Variants in IQANK1 observed in about 807,000 individuals in gnomAD.
IQANK1 encodes IQ motif and ankyrin repeat domain-containing protein 1.
IQANK1 carries 30 observed loss-of-function variants against 22.6 expected under a neutral mutation model. The ratio of observed to expected loss-of-function variants is 1.33; its 90% confidence interval spans 0.99 to 1.80. The LOEUF (loss-of-function observed/expected upper bound fraction) is 1.80. IQANK1 is among the 40% of genes most tolerant of loss of function. The pLI, the probability that IQANK1 is intolerant of heterozygous loss-of-function variation, is 0.00. For missense variants in IQANK1, 275 were observed against 235.2 expected (o/e 1.17, Z -1.11); for synonymous variants, 122 against 99.6 (o/e 1.23, Z -1.34).
chr8:143,772,042 A>G lies in IQANK1; in HGVS notation c.472-10A>G. 7.6e-6 allele frequency: 3 copies of G among 394,844 alleles called. No individual in the cohort carries two copies. The highest frequency in any genetic ancestry group is 1.3e-5 in the Non-Finnish European group (3 of 224,392). The allele number at this position is 394,844 out of a possible 1,614,324, so 24.5% of individuals were successfully genotyped here. A position where few individuals can be genotyped will look rare whatever the true frequency, so the allele number is the denominator to read the frequency against. ...GGAGCGGGGAGCGGTGACCGCGGCGAGCTGCGCAGGTGGAGCAGCTGCTGA... is the reference window on the plus strand; with the variant it reads ...GGAGCGGGGAGCGGTGACCGCGGCGGGCTGCGCAGGTGGAGCAGCTGCTGA... On this transcript the variant is annotated splice_polypyrimidine_tract_variant and intron_variant, in intron 5 of 13. Coordinates refer to ENST00000527139, the MANE Select transcript of IQANK1 (RefSeq NM_001381874.1).
At chr8:143,789,290 G>A (rs782064742) in intron 9 of IQANK1, 47 bp downstream of exon 9, 18 of 407,666 alleles carry the variant, frequency 4.4e-5, no homozygotes, top group South Asian at 2.5e-4. Flanking sequence ...AGGGAGAGCC[G>A]GGTGGGGAGG....
chr8:143,761,545 G>A (rs893261710), intron 3 of IQANK1, among the ~76,000 whole-genome samples: 3 of 152,304 alleles, frequency 2.0e-5, no homozygotes, highest in African/African-American at 7.2e-5. Flanking sequence ...CTATGCGGGA[G>A]GATTGCTTCA....
chr8:143,762,550 T>G (rs1451835686), intron 3 of IQANK1, among the ~76,000 whole-genome samples: 2 of 152,134 alleles, frequency 1.3e-5, no homozygotes, highest in African/African-American at 2.4e-5. Flanking sequence ...CAAGATCATC[T>G]CAGGGGTGCT....
At position 143,774,206 on chromosome 8, in the gene IQANK1, C is replaced by T. The variant is rs1554630100; in HGVS notation, c.789+1724C>T. Among the ~76,000 whole-genome samples, 2 of 147,352 alleles carry T rather than the reference C, an allele frequency of 1.4e-5. No homozygotes were observed. The highest frequency in any genetic ancestry group is 3.0e-5 in the Non-Finnish European group (2 of 67,050). ...AAAAAAAAAAAACCACATTGATAAACAGAACTTCATCAGAATGTAAAATGT... is the reference window on the plus strand; with the variant it reads ...AAAAAAAAAAAACCACATTGATAAATAGAACTTCATCAGAATGTAAAATGT... On this transcript the variant is annotated intron_variant, in intron 7 of 13. Coordinates refer to ENST00000527139, the MANE Select transcript of IQANK1 (RefSeq NM_001381874.1). The surrounding 1 kb of genome is among the most constrained non-coding windows in gnomAD (Gnocchi z 4.2).
In IQANK1 at chr8:143,790,331, CACCAG is replaced by C; in HGVS notation, c.1425-18_1425-14del. 8.2e-7 allele frequency: 1 copy of C among 1,220,236 alleles called. No individual in the cohort carries two copies. Among genetic ancestry groups the C allele is most frequent in the Non-Finnish European group, 1.0e-6 (1 of 977,224 alleles). 75.6% of individuals were successfully genotyped at this position (1,220,236 alleles called of 1,614,324 possible). ...CACCTCCCTAGCCCCACCCTGGCCT[CACCAG>C]CCTCATGGGGCAGGTATGGGAAGCC... On this transcript the variant is annotated splice_polypyrimidine_tract_variant and intron_variant, in intron 13 of 13. Coordinates refer to ENST00000527139, the MANE Select transcript of IQANK1 (RefSeq NM_001381874.1).
intron 1 of IQANK1, 64 bp downstream of exon 1, chr8:143,734,283 G>A (rs1414041514): frequency 6.6e-6 from 1 of 152,050 alleles, no homozygotes; most frequent in African/African-American, 2.4e-5. Context: ...CGAGAGCACA[G>A]GGGATCCCCT....
At chr8:143,770,987 A>C (rs1819559851) in intron 3 of IQANK1, among the ~76,000 whole-genome samples, 1 of 151,816 alleles carries the variant, frequency 6.6e-6, no homozygotes, top group South Asian at 2.1e-4. Context: ...CGGTGGGGCG[A>C]GGGCGAGGCC....
At chr8:143,751,970 A>AT (rs1819204776) in intron 3 of IQANK1, among the ~76,000 whole-genome samples, 1 of 149,732 alleles carries the variant, frequency 6.7e-6, no homozygotes, top group Non-Finnish European at 1.5e-5. Flanking sequence ...TATTCTTATT[A>AT]TTTTTTTATT....
chr8:143,739,762 G>A, intron 2 of IQANK1, 97 bp from the exon 3 acceptor site: 1 of 585,850 alleles, frequency 1.7e-6, no homozygotes, highest in South Asian at 2.0e-5. Flanking sequence ...CTGTCTGCCA[G>A]GACGCACGGC....
intron 3 of IQANK1, among the ~76,000 whole-genome samples, chr8:143,754,329 C>T (rs909949830): frequency 3.3e-5 from 5 of 152,160 alleles, no homozygotes; most frequent in African/African-American, 4.8e-5. Context: ...GTCAGGAGTC[C>T]GGGCACAGGC....
chr8:143,757,811 A>G (rs1404404556), intron 3 of IQANK1, among the ~76,000 whole-genome samples: 1 of 152,060 alleles, frequency 6.6e-6, no homozygotes, highest in African/African-American at 2.4e-5. Flanking sequence ...TGCCTGGTGT[A>G]TTTCATCTTT....
At chr8:143,757,223 T>C (rs943492385) in intron 3 of IQANK1, among the ~76,000 whole-genome samples, 3 of 152,182 alleles carry the variant, frequency 2.0e-5, no homozygotes, top group African/African-American at 7.2e-5. Flanking sequence ...CACCAGACCA[T>C]GAACTAATTG....
intron 3 of IQANK1, among the ~76,000 whole-genome samples, chr8:143,740,626 G>A (rs562329562): frequency 1.3e-5 from 2 of 152,366 alleles, no homozygotes; most frequent in African/African-American, 4.8e-5. Context: ...GGAGCCGACG[G>A]GGCCTCGCGG....
At chr8:143,783,490 C>T (rs1819833416) in intron 7 of IQANK1, among the ~76,000 whole-genome samples, 1 of 152,154 alleles carries the variant, frequency 6.6e-6, no homozygotes, top group African/African-American at 2.4e-5. Flanking sequence ...GATCAAACTC[C>T]TTATCAATTA....
Position 143,789,519 on chromosome 8 carries a change from C to G in IQANK1, c.1077C>G (p.Leu359=), listed in dbSNP as rs1819974150. 8.1e-7 allele frequency: 1 copy of G among 1,232,128 alleles called. No homozygotes were observed. The highest frequency in any genetic ancestry group is 1.6e-5 in the African/African-American group (1 of 64,506). The allele number at this position is 1,232,128 out of a possible 1,614,324, so 76.3% of individuals were successfully genotyped here. Residue 359 remains leucine, a synonymous_variant, in exon 10 of 14, where the codon CTC becomes CTG. Coordinates refer to ENST00000527139, the MANE Select transcript of IQANK1 (RefSeq NM_001381874.1). ...GGAGGTGCATGGACAAGACCAAGCT[C>G]ACGCTGCAGGTGGGGGCCCGTGGTG... The part of the protein sequence containing the change: ...CEWRCMDKTK[L]TLQAIKDTEA...
chr8:143,769,646 C>G (rs908030128), intron 3 of IQANK1, among the ~76,000 whole-genome samples: 3 of 152,228 alleles, frequency 2.0e-5, no homozygotes, highest in Non-Finnish European at 2.9e-5. Flanking sequence ...TGCTGAGCAG[C>G]TGACCCTTTG....
chr8:143,767,345 AGTGT>A (rs201610376), intron 3 of IQANK1, among the ~76,000 whole-genome samples: 5 of 151,496 alleles, frequency 3.3e-5, no homozygotes, highest in East Asian at 1.9e-4. Flanking sequence ...ATGTTTTATG[AGTGT>A]GTGTGTGTGT....
chr8:143,746,966 G>A (rs532309001), intron 3 of IQANK1, among the ~76,000 whole-genome samples: 4 of 152,000 alleles, frequency 2.6e-5, no homozygotes, highest in South Asian at 2.1e-4. Context: ...TGCAAGCTCC[G>A]CCTCCTGGGT....
At chr8:143,741,019 C>G (rs987835455) in intron 3 of IQANK1, among the ~76,000 whole-genome samples, 1 of 152,180 alleles carries the variant, frequency 6.6e-6, no homozygotes, top group Non-Finnish European at 1.5e-5. Context: ...GGAGGATGTC[C>G]CTTCTGTCAC....
Sources: allele counts gnomAD v4.1 joint callset (sites outside exome capture counted in the v4.1 genomes callset), GRCh38; gene constraint gnomAD v4.1.1; non-coding constraint Gnocchi (gnomAD v3.1); transcripts MANE v1.5; gene names NCBI Gene and HGNC (gene_info 2026-07-23, HGNC 2026-07-21).